The following SLIT3 variants were observed in gnomAD, a reference collection of about 807,000 sequenced individuals.
SLIT3 encodes slit guidance ligand 3.
A neutral mutation model predicts 184.0 loss-of-function variants in SLIT3; 68 were observed. That is an observed-to-expected ratio of 0.37 (90% confidence interval 0.30 to 0.45). The LOEUF (loss-of-function observed/expected upper bound fraction) is 0.45, where lower values mean the gene tolerates loss of function less well. Ranked by LOEUF, SLIT3 falls within the 20% of genes least tolerant of loss-of-function variation. The pLI is 1.00. For synonymous variants in SLIT3, 831 were observed against 828.6 expected, an observed-to-expected ratio of 1.00 and a Z score of -0.05; for missense variants, 1,707 against 2,026.0, an observed-to-expected ratio of 0.84 and a Z score of 3.02.
intron 3 of SLIT3, among the ~76,000 whole-genome samples, chr5:169,203,967 G>A (rs190701940): frequency 1.8e-4 from 28 of 152,210 alleles, no homozygotes; most frequent in African/African-American, 6.7e-4. Flanking sequence ...ACACATATGG[G>A]GCACTCAGGG....
chr5:168,957,745 T>A (rs1762875246), intron 4 of SLIT3, among the ~76,000 whole-genome samples: 1 of 149,564 alleles, frequency 6.7e-6, no homozygotes, highest in African/African-American at 2.5e-5. Flanking sequence ...CTCCGGTGAT[T>A]CTGTTGCACC....
chr5:169,065,866 A>G (rs538705974), intron 4 of SLIT3, among the ~76,000 whole-genome samples: 1 of 152,318 alleles, frequency 6.6e-6, no homozygotes, highest in African/African-American at 2.4e-5. Context: ...AACACGTTTG[A>G]GTAGAAAATT....
intron 33 of SLIT3, among the ~76,000 whole-genome samples, 190 bp from the exon 34 acceptor site, chr5:168,671,673 C>A (rs887267259): frequency 6.6e-6 from 1 of 152,142 alleles, no homozygotes; most frequent in Non-Finnish European, 1.5e-5. Flanking sequence ...TGCACTGGGA[C>A]TCCTTAAAAA....
intron 4 of SLIT3, among the ~76,000 whole-genome samples, chr5:168,898,503 G>A (rs1389520843): frequency 6.6e-6 from 1 of 151,530 alleles, no homozygotes; most frequent in Non-Finnish European, 1.5e-5. Flanking sequence ...AATTAAGCAT[G>A]TCAATACCTT....
intron 3 of SLIT3, among the ~76,000 whole-genome samples, chr5:169,223,690 T>C (rs1466454181): frequency 6.6e-6 from 1 of 152,120 alleles, no homozygotes; most frequent in African/African-American, 2.4e-5. Flanking sequence ...GAGAGACCTT[T>C]GGAGATAAAA....
In SLIT3 at chr5:169,074,040, T is replaced by G. The variant is rs554753956; in HGVS notation, c.413+119439A>C. Among the ~76,000 whole-genome samples, 192 of 152,212 alleles carry G rather than the reference T, an allele frequency of 1.3e-3. 2 individuals are homozygous for G. Among genetic ancestry groups the G allele is most frequent in the Non-Finnish European group, 2.9e-4 (20 of 67,996 alleles). On this transcript the variant is annotated intron_variant, in intron 4 of 35. Transcript: ENST00000519560. Reference sequence around the variant, plus strand: ...ATAAGGAGTGAATTCCTCAAAGAAGTGGGGATTTGGAAAAATCCTTTCTAG... The same window carrying G: ...ATAAGGAGTGAATTCCTCAAAGAAGGGGGGATTTGGAAAAATCCTTTCTAG...
chr5:168,824,760 G>T (rs571969894), intron 6 of SLIT3, among the ~76,000 whole-genome samples: 1 of 152,248 alleles, frequency 6.6e-6, no homozygotes, highest in African/African-American at 2.4e-5. Context: ...AACCACATCA[G>T]ACATCCCTTA....
At chr5:168,669,717 G>T in intron 35 of SLIT3, 66 bp downstream of exon 35, 1 of 1,304,950 alleles carries the variant, frequency 7.7e-7, no homozygotes, top group South Asian at 1.2e-5. Context: ...TGGAACTGAG[G>T]TGATCTGGAT....
chr5:168,827,826 C>T (rs1338070080), intron 6 of SLIT3, among the ~76,000 whole-genome samples: 1 of 152,240 alleles, frequency 6.6e-6, no homozygotes, highest in Non-Finnish European at 1.5e-5. Context: ...CAAGCCTAAT[C>T]CCATCCAATG....
chr5:169,131,470 G>C (rs1004034702), intron 4 of SLIT3, among the ~76,000 whole-genome samples: 12 of 152,202 alleles, frequency 7.9e-5, no homozygotes, highest in Non-Finnish European at 1.5e-5. Context: ...CACTAAATTA[G>C]CAGGGTCTTC....
intron 4 of SLIT3, among the ~76,000 whole-genome samples, chr5:169,082,611 T>G (rs1759115938): frequency 6.6e-6 from 1 of 152,184 alleles, no homozygotes; most frequent in African/African-American, 2.4e-5. Flanking sequence ...CCTACCTACC[T>G]GAATCCTGTG....
At chr5:169,006,801 C>A (rs1040724423) in intron 4 of SLIT3, among the ~76,000 whole-genome samples, 7 of 152,160 alleles carry the variant, frequency 4.6e-5, no homozygotes, top group African/African-American at 7.2e-5. Flanking sequence ...TCCCACCCAA[C>A]CGTTCCTGTT....
At chr5:169,242,288 T>A (rs1007944193) in intron 3 of SLIT3, among the ~76,000 whole-genome samples, 1 of 152,206 alleles carries the variant, frequency 6.6e-6, no homozygotes, top group Non-Finnish European at 1.5e-5. Context: ...TTTCTAATGT[T>A]CTTCCTGATT....
chr5:168,719,890 G>A (rs769666887), intron 23 of SLIT3: 2 of 152,148 alleles, frequency 1.3e-5, no homozygotes, highest in Non-Finnish European at 2.9e-5. Flanking sequence ...ATTCTAAAAT[G>A]ATGATGCTAA....
chr5:168,897,652 A>G (rs1320511758), intron 4 of SLIT3, among the ~76,000 whole-genome samples: 36 of 113,578 alleles, frequency 3.2e-4, no homozygotes, highest in Middle Eastern at 4.9e-3. Flanking sequence ...GCACGTACAC[A>G]CACACACACA....
chr5:168,791,131 A>C (rs1449457477), intron 10 of SLIT3: 1 of 152,276 alleles, frequency 6.6e-6, no homozygotes, highest in South Asian at 2.1e-4. Flanking sequence ...TGCCCTCAGC[A>C]TGGCTGCCTA....
chr5:168,792,994 A>T (rs1756433512), intron 10 of SLIT3, among the ~76,000 whole-genome samples: 1 of 152,230 alleles, frequency 6.6e-6, no homozygotes, highest in African/African-American at 2.4e-5. Flanking sequence ...GTATATATGA[A>T]ACATAAATGA....
rs866192602 is a variant in SLIT3 at position 169,220,116 on chromosome 5, C to T, written c.341+24589G>A. The stretch of plus-strand genomic sequence containing the variant: ...CTTTAGACCCAGCACCACTCTCATT[C>T]TTGCAAGCCACCTGACTCATGGCTT... On this transcript the variant is annotated intron_variant, in intron 3 of 35. Coordinates refer to ENST00000519560, the MANE Select transcript of SLIT3 (RefSeq NM_003062.4). 3.3e-5 allele frequency among the ~76,000 whole-genome samples: 5 copies of T among 152,266 alleles called. No homozygotes were observed. The South Asian group carries it at 1.0e-3, about 32-fold the overall frequency.
intron 4 of SLIT3, among the ~76,000 whole-genome samples, chr5:169,053,440 T>C (rs1470204932): frequency 6.6e-6 from 1 of 152,208 alleles, no homozygotes. Flanking sequence ...CATTTCTTCC[T>C]CTCTAGGGGA....
Sources: gnomAD v4.1 joint callset for allele counts (sites outside exome capture counted in the v4.1 genomes callset) on GRCh38, gnomAD v4.1.1 for gene constraint, MANE v1.5 for transcripts, NCBI Gene and HGNC (gene_info 2026-07-23, HGNC 2026-07-21) for gene names.